GOLM1: variants seen among roughly 807,000 people sequenced by gnomAD.
The protein encoded by GOLM1 is epididymis luminal protein 46.
GOLM1 carries 31 observed loss-of-function variants against 50.5 expected under a neutral mutation model. The observed-to-expected ratio is 0.61, with a 90% confidence interval of 0.46 to 0.83. The LOEUF (loss-of-function observed/expected upper bound fraction) is 0.83. GOLM1 is among the 40% of genes least tolerant of loss of function. The pLI, the probability that GOLM1 is intolerant of heterozygous loss-of-function variation, is 0.00. For synonymous variants in GOLM1, 178 were observed against 192.8 expected (o/e 0.92, Z 0.64); for missense variants, 491 against 501.3 (o/e 0.98, Z 0.20).
intron 3 of GOLM1, among the ~76,000 whole-genome samples, chr9:86,058,695 CAA>C (rs57227258): frequency 1.8e-4 from 18 of 100,948 alleles, no homozygotes; most frequent in Admixed American, 2.2e-4. Flanking sequence ...GACTCTGTCT[CAA>C]AAAAAAAAAA....
chr9:86,087,757 G>C (rs1210351165), intron 1 of GOLM1, among the ~76,000 whole-genome samples: 1 of 152,112 alleles, frequency 6.6e-6, no homozygotes, highest in Non-Finnish European at 1.5e-5. Flanking sequence ...TAATTCATAT[G>C]TTGAACCAGC....
chr9:86,072,153 TACAAAG>T (rs1200386689), intron 3 of GOLM1, among the ~76,000 whole-genome samples: 2 of 152,182 alleles, frequency 1.3e-5, no homozygotes, highest in African/African-American at 2.4e-5. Flanking sequence ...AAATATAAGC[TACAAAG>T]ACAATCATTA....
chr9:86,052,721 G>C, intron 3 of GOLM1, 130 bp from the exon 4 acceptor site: 1 of 713,216 alleles, frequency 1.4e-6, no homozygotes, highest in Non-Finnish European at 2.5e-6. Flanking sequence ...CTCGCACTCA[G>C]CGCTCAGGCT....
chr9:86,043,872 C>T (rs1024708703), intron 5 of GOLM1, among the ~76,000 whole-genome samples: 3 of 152,184 alleles, frequency 2.0e-5, no homozygotes, highest in African/African-American at 4.8e-5. Context: ...AAAACCTTCT[C>T]GGCCAACATT....
chr9:86,096,172 G>A (rs950781420), intron 1 of GOLM1, among the ~76,000 whole-genome samples: 3 of 134,978 alleles, frequency 2.2e-5, no homozygotes, highest in Non-Finnish European at 4.8e-5. Context: ...ATAACTGCTC[G>A]ATAGGTTTTT....
chr9:86,067,615 C>G (rs1413729218), intron 3 of GOLM1, among the ~76,000 whole-genome samples: 1 of 152,158 alleles, frequency 6.6e-6, no homozygotes, highest in Non-Finnish European at 1.5e-5. Flanking sequence ...ATTTCCAAGG[C>G]AAGGTCAACA....
chr9:86,052,594 G>T lies in GOLM1; in HGVS notation c.310-3C>A. The stretch of plus-strand genomic sequence containing the variant: ...GTGATGTTATTCACCAAAACCGCCT[G>T]CAACGAAGATAAACTCGCATGAAAC... On this transcript the variant is annotated splice_region_variant and splice_polypyrimidine_tract_variant and intron_variant, in intron 3 of 9. Coordinates refer to ENST00000388712, the MANE Select transcript of GOLM1 (RefSeq NM_016548.4). The T allele has an allele frequency of 1.2e-6, 2 of 1,613,372 alleles. No homozygotes were observed. The highest frequency in any genetic ancestry group is 1.7e-6 in the Non-Finnish European group (2 of 1,179,378).
At chr9:86,041,808 T>C (rs1833360900) in intron 5 of GOLM1, among the ~76,000 whole-genome samples, 1 of 152,130 alleles carries the variant, frequency 6.6e-6, no homozygotes, top group African/African-American at 2.4e-5. Flanking sequence ...GGGTCTGTGC[T>C]AAGTGGGTAG....
chr9:86,095,511 G>A (rs910508061), intron 1 of GOLM1, among the ~76,000 whole-genome samples: 3 of 151,788 alleles, frequency 2.0e-5, no homozygotes, highest in Non-Finnish European at 4.4e-5. Context: ...GCCTCCCAAA[G>A]TGCTGGGATT....
chr9:86,057,155 G>C (rs1433664755), intron 3 of GOLM1, among the ~76,000 whole-genome samples: 2 of 152,092 alleles, frequency 1.3e-5, no homozygotes, highest in African/African-American at 2.4e-5. Context: ...AAACCTCAAA[G>C]AATCTGGGTG....
At chr9:86,054,139 T>A (rs1432623210) in intron 3 of GOLM1, among the ~76,000 whole-genome samples, 1 of 152,030 alleles carries the variant, frequency 6.6e-6, no homozygotes, top group Non-Finnish European at 1.5e-5. Context: ...AGAATCCAGA[T>A]AACAACGACA....
intron 1 of GOLM1, among the ~76,000 whole-genome samples, chr9:86,091,843 G>T (rs1431095794): frequency 6.6e-6 from 1 of 152,208 alleles, no homozygotes; most frequent in Non-Finnish European, 1.5e-5. Context: ...GAAGTGTACA[G>T]ATAACCATTT....
intron 3 of GOLM1, among the ~76,000 whole-genome samples, chr9:86,053,608 CACACACCACACCAA>C: frequency 2.3e-4 from 1 of 4,282 alleles, no homozygotes. Context: ...ACACACACAT[CACACACCACACCAA>C]ACATCACTAC....
intron 1 of GOLM1, among the ~76,000 whole-genome samples, chr9:86,088,613 C>CT (rs1835072287): frequency 7.3e-6 from 1 of 136,224 alleles, no homozygotes; most frequent in Non-Finnish European, 1.6e-5. Flanking sequence ...CTTTCCGTTG[C>CT]TTGGTAATAT....
chr9:86,040,935 C>A, intron 5 of GOLM1, 67 bp from the exon 6 acceptor site: 8 of 1,497,794 alleles, frequency 5.3e-6, no homozygotes, highest in Non-Finnish European at 6.4e-6. Flanking sequence ...ACGGTGACAT[C>A]CACTTCCATA....
chr9:86,035,145 A>G, intron 8 of GOLM1: 1 of 985,408 alleles, frequency 1.0e-6, no homozygotes, highest in Non-Finnish European at 1.2e-6. Flanking sequence ...ACTCCCTGCC[A>G]ATATTGCATC....
intron 5 of GOLM1, among the ~76,000 whole-genome samples, chr9:86,043,851 C>T (rs1833444056): frequency 6.6e-6 from 1 of 152,160 alleles, no homozygotes; most frequent in Non-Finnish European, 1.5e-5. Flanking sequence ...TGACTGATTG[C>T]CAGCTAGGTC....
At chr9:86,073,598 G>A (rs553357319) in intron 3 of GOLM1, among the ~76,000 whole-genome samples, 4 of 152,034 alleles carry the variant, frequency 2.6e-5, no homozygotes, top group Non-Finnish European at 4.4e-5. Context: ...CACTGCTCCC[G>A]AACCTTACAG....
rs1247505426 is a variant in GOLM1 at position 86,088,434 on chromosome 9, A to G, written c.-21-9093T>C. On this transcript the variant is annotated intron_variant, in intron 1 of 9. Coordinates refer to ENST00000388712, the MANE Select transcript of GOLM1 (RefSeq NM_016548.4). ...TTTTGAAGGGTGTATATATATATAT[A>G]TATATATATATATATATATATATTT... 4.8e-4 allele frequency among the ~76,000 whole-genome samples: 56 copies of G among 116,502 alleles called. 3 individuals carry two copies. The highest frequency in any genetic ancestry group is 1.9e-3 in the African/African-American group (53 of 28,544). The allele number at this position is 116,502 out of a possible 152,430, so 76.4% of individuals were successfully genotyped here.
Sources: allele counts gnomAD v4.1 joint callset (sites outside exome capture counted in the v4.1 genomes callset), GRCh38; gene constraint gnomAD v4.1.1; transcripts MANE v1.5; gene names NCBI Gene and HGNC (gene_info 2026-07-23, HGNC 2026-07-21).